The following TG variants were observed in gnomAD, a reference collection of about 807,000 sequenced individuals.
TG encodes the protein thyroglobulin.
Under a neutral mutation model 324.7 loss-of-function variants are expected in TG, and 270 were observed. The observed-to-expected ratio is 0.83, with a 90% confidence interval of 0.75 to 0.92. The LOEUF (loss-of-function observed/expected upper bound fraction) is 0.92. Among genes scored for constraint, TG ranks in the 40% least tolerant of loss-of-function variants. The pLI, the probability that TG is intolerant of heterozygous loss-of-function variation, is 0.00. For missense variants in TG, 3,591 were observed against 3,456.4 expected, an observed-to-expected ratio of 1.04 and a Z score of -0.98; for synonymous variants, 1,401 against 1,327.0, an observed-to-expected ratio of 1.06 and a Z score of -1.21.
chr8:132,971,926 A>G, intron 33 of TG, 53 bp downstream of exon 33: 2 of 1,204,874 alleles, frequency 1.7e-6, no homozygotes, highest in East Asian at 2.3e-5. Context: ...TGCAGTTTAG[A>G]AAACACATTC....
chr8:133,070,065 C>G (rs992730056), intron 41 of TG, among the ~76,000 whole-genome samples: 2 of 136,800 alleles, frequency 1.5e-5, no homozygotes, highest in Non-Finnish European at 3.1e-5. Flanking sequence ...AAGAAAGGAA[C>G]TGAAGAAACA....
rs149438595 is a variant in TG, at chr8:132,981,260, C to T, written c.6200-2090C>T. Among the ~76,000 whole-genome samples, 232 of 152,346 alleles carry T rather than the reference C, an allele frequency of 1.5e-3. 3 individuals are homozygous for T. The highest frequency in any genetic ancestry group is 5.2e-3 in the African/African-American group (218 of 41,566). ...CCCCCAGTAGATGTGCTGTAGCTCA[C>T]GCCACCATTCTCATAGTGTTCAGCA... On this transcript the variant is annotated intron_variant, in intron 34 of 47. Transcript: ENST00000220616.
At position 132,935,827 on chromosome 8, in the gene TG, C is replaced by T. The variant is rs1435979220; in HGVS notation, c.5004C>T (p.Ser1668=). The T allele has an allele frequency of 6.2e-7, 1 of 1,612,736 alleles. No homozygotes were observed. Among genetic ancestry groups the T allele is most frequent in the Admixed American group, 1.7e-5 (1 of 60,026 alleles). Residue 1668 remains serine, a synonymous_variant, in exon 25 of 48, where the codon AGC becomes AGT. Transcript: ENST00000220616. The stretch of plus-strand genomic sequence containing the variant: ...TTCGCTGCCAGGTGAAAGTGAGGAG[C>T]CATGGTCAAGATTCTCCAGCTGTGT... ...GSLRCQVKVR[S]HGQDSPAVYL... is the part of the protein sequence containing the mutation.
At chr8:132,926,476 T>G (rs1821883940) in intron 22 of TG, among the ~76,000 whole-genome samples, 1 of 152,256 alleles carries the variant, frequency 6.6e-6, no homozygotes, top group South Asian at 2.1e-4. Context: ...TCTAACCTCA[T>G]TAGACCATAT....
intron 41 of TG, among the ~76,000 whole-genome samples, chr8:133,087,383 C>T (rs1846761299): frequency 1.3e-5 from 2 of 152,134 alleles, no homozygotes; most frequent in Admixed American, 6.5e-5. Context: ...GTGAAGACAG[C>T]AAGGCTTATT....
Position 133,134,765 on chromosome 8 carries a change from G to A in TG, c.8278G>A (p.Glu2760Lys). Residue 2760 changes from glutamate to lysine, a missense_variant, in exon 48 of 48, where the codon GAA (glutamate) becomes AAA (lysine). Physicochemically the swap from Glu to Lys is moderately conservative, Grantham distance 56 (BLOSUM62 1). Transcript: ENST00000220616. Reference sequence around the variant, plus strand: ...AAGAGAAGATCTCCTAAGCCTCCAGGAACCAGGCTCTAAGACCTACAGCAA... The same window carrying A: ...AAGAGAAGATCTCCTAAGCCTCCAGAAACCAGGCTCTAAGACCTACAGCAA... ...GLREDLLSLQEPGSKTYSK is the reference protein window; with the variant it reads ...GLREDLLSLQKPGSKTYSK The A allele has an allele frequency of 1.2e-6, 2 of 1,614,090 alleles. No individual in the cohort carries two copies. Among genetic ancestry groups the A allele is most frequent in the Non-Finnish European group, 1.7e-6 (2 of 1,180,012 alleles).
At chr8:133,049,885 T>C (rs1212414679) in intron 41 of TG, 1 of 1,526,358 alleles carries the variant, frequency 6.6e-7, no homozygotes, top group Non-Finnish European at 9.1e-7. Flanking sequence ...TTGCTGCCAT[T>C]TGAGAAATGT....
intron 30 of TG, 148 bp downstream of exon 30, chr8:132,966,845 A>T: frequency 2.1e-6 from 2 of 968,796 alleles, no homozygotes; most frequent in Non-Finnish European, 3.2e-6. Flanking sequence ...GAAAGATAGC[A>T]CATAACCCAT....
At chr8:132,940,989 G>A (rs982370979) in intron 25 of TG, among the ~76,000 whole-genome samples, 3 of 152,254 alleles carry the variant, frequency 2.0e-5, no homozygotes, top group Non-Finnish European at 2.9e-5. Context: ...ATGAAACCAC[G>A]TAGGTAGAGC....
chr8:132,958,298 G>T (rs1827220929), intron 27 of TG, among the ~76,000 whole-genome samples: 1 of 152,026 alleles, frequency 6.6e-6, no homozygotes, highest in African/African-American at 2.4e-5. Flanking sequence ...TGAGTATATA[G>T]GTTATATCTA....
At chr8:133,117,963 G>A (rs1201298460) in intron 45 of TG, among the ~76,000 whole-genome samples, 1 of 152,150 alleles carries the variant, frequency 6.6e-6, no homozygotes, top group East Asian at 1.9e-4. Flanking sequence ...TCTTAGGGTT[G>A]GCATTGACAG....
intron 1 of TG, among the ~76,000 whole-genome samples, chr8:132,867,326 C>T (rs1418337256): frequency 6.6e-6 from 1 of 152,114 alleles, no homozygotes; most frequent in African/African-American, 2.4e-5. Context: ...AGGTCCTCCT[C>T]ACCCCACCAT....
At chr8:132,980,361 T>C (rs1172230799) in intron 34 of TG, among the ~76,000 whole-genome samples, 1 of 152,134 alleles carries the variant, frequency 6.6e-6, no homozygotes, top group Non-Finnish European at 1.5e-5. Flanking sequence ...GGAACCTCCT[T>C]AAGTCCCCTC....
chr8:133,106,457 C>A (rs1849817119), intron 43 of TG: 1 of 985,248 alleles, frequency 1.0e-6, no homozygotes, highest in Non-Finnish European at 1.2e-6. Context: ...CAGGTCCCGC[C>A]TGAAGCAAAA....
chr8:132,910,716 G>T (rs1027609711), intron 18 of TG, among the ~76,000 whole-genome samples: 1 of 152,086 alleles, frequency 6.6e-6, no homozygotes, highest in African/African-American at 2.4e-5. Context: ...CAGAACTTAT[G>T]AGAAAAAAAG....
rs562552698 is a variant in TG, at chr8:132,963,907, C to T, written c.5548+833C>T. Among the ~76,000 whole-genome samples the T allele has an allele frequency of 7.2e-5, 11 of 152,162 alleles. No homozygotes were observed. In the East Asian group the frequency reaches 9.7e-4, roughly 13 times the overall value. ...ACTGACTACATGCCTTAGTGCACGGCCATGGGTAATTTGCTTCCCTGCTAA... is the reference window on the plus strand; with the variant it reads ...ACTGACTACATGCCTTAGTGCACGGTCATGGGTAATTTGCTTCCCTGCTAA... On this transcript the variant is annotated intron_variant, in intron 29 of 47. Coordinates refer to ENST00000220616, the MANE Select transcript of TG (RefSeq NM_003235.5).
chr8:133,102,580 G>C (rs1325795870), intron 43 of TG: 58 of 1,551,240 alleles, frequency 3.7e-5, no homozygotes, highest in Non-Finnish European at 4.8e-5. Context: ...TGCCTGAGAT[G>C]TTCTCCATTC....
intron 41 of TG, among the ~76,000 whole-genome samples, chr8:133,056,744 C>A (rs973224135): frequency 6.6e-6 from 1 of 152,140 alleles, no homozygotes; most frequent in South Asian, 2.1e-4. Context: ...GAGCACCAAG[C>A]GGCTCTAATC....
At chr8:132,892,482 C>G (rs1480955328) in intron 10 of TG, among the ~76,000 whole-genome samples, 1 of 152,162 alleles carries the variant, frequency 6.6e-6, no homozygotes, top group Non-Finnish European at 1.5e-5. Context: ...AGGATGATGC[C>G]CAGCATGGAG....
Sources: allele counts gnomAD v4.1 joint callset (sites outside exome capture counted in the v4.1 genomes callset), GRCh38; gene constraint gnomAD v4.1.1; transcripts MANE v1.5; gene names NCBI Gene and HGNC (gene_info 2026-07-23, HGNC 2026-07-21).